The following CNTNAP2 variants were observed in gnomAD, a reference collection of about 807,000 sequenced individuals.
CNTNAP2 encodes contactin associated protein 2.
CNTNAP2 carries 98 observed loss-of-function variants against 155.2 expected under a neutral mutation model. The ratio of observed to expected loss-of-function variants is 0.63; its 90% CI spans 0.54 to 0.75. The LOEUF (loss-of-function observed/expected upper bound fraction) is 0.75, where lower values mean the gene tolerates loss of function less well. Ranked by LOEUF, CNTNAP2 falls within the 30% of genes least tolerant of loss-of-function variation. The pLI is 0.00. For synonymous variants in CNTNAP2, 651 were observed against 631.2 expected (o/e 1.03, Z -0.47); for missense variants, 1,727 against 1,688.1 (o/e 1.02, Z -0.40).
At chr7:147,022,114 T>C (rs893864707) in intron 3 of CNTNAP2, among the ~76,000 whole-genome samples, 2 of 152,292 alleles carry the variant, frequency 1.3e-5, no homozygotes, top group East Asian at 3.9e-4. Flanking sequence ...TATTTCTTTG[T>C]TGCAGATTGT....
At chr7:148,069,361 A>G (rs1292681670) in intron 15 of CNTNAP2, among the ~76,000 whole-genome samples, 1 of 152,186 alleles carries the variant, frequency 6.6e-6, no homozygotes, top group Non-Finnish European at 1.5e-5. Flanking sequence ...TTTAATTAAT[A>G]CTCTGAGTGG....
chr7:147,300,810 G>T (rs1312994205), intron 9 of CNTNAP2, among the ~76,000 whole-genome samples: 3 of 152,066 alleles, frequency 2.0e-5, no homozygotes, highest in Non-Finnish European at 4.4e-5. Context: ...TGCTGGCTGG[G>T]ATGCCTCAGT....
intron 21 of CNTNAP2, among the ~76,000 whole-genome samples, chr7:148,358,716 G>A (rs1354137806): frequency 1.3e-5 from 2 of 152,222 alleles, no homozygotes; most frequent in Non-Finnish European, 2.9e-5. Flanking sequence ...AAAGCAGTTA[G>A]GAGCAGAGTA....
chr7:147,791,054 A>T (rs1258051282), intron 13 of CNTNAP2, among the ~76,000 whole-genome samples: 1 of 152,204 alleles, frequency 6.6e-6, no homozygotes, highest in African/African-American at 2.4e-5. Context: ...TATTATTTTT[A>T]AAATGTCATC....
intron 8 of CNTNAP2, among the ~76,000 whole-genome samples, chr7:147,240,544 C>A (rs1803912404): frequency 1.3e-5 from 2 of 152,226 alleles, no homozygotes; most frequent in South Asian, 4.1e-4. Flanking sequence ...TAATTACTTA[C>A]TGTGATTTCA....
chr7:147,939,644 G>A (rs926329932), intron 14 of CNTNAP2, among the ~76,000 whole-genome samples: 2 of 151,986 alleles, frequency 1.3e-5, no homozygotes, highest in African/African-American at 4.8e-5. Context: ...GAATTTTATG[G>A]TCACAAGCCT....
intron 22 of CNTNAP2, among the ~76,000 whole-genome samples, chr7:148,406,694 C>A (rs1799710891): frequency 6.6e-6 from 1 of 152,166 alleles, no homozygotes; most frequent in African/African-American, 2.4e-5. Context: ...GTCAAAAGGT[C>A]TGGAAAAGAT....
chr7:147,772,014 A>C (rs1797477372), intron 13 of CNTNAP2, among the ~76,000 whole-genome samples: 1 of 152,170 alleles, frequency 6.6e-6, no homozygotes, highest in South Asian at 2.1e-4. Flanking sequence ...AAGACAAAAA[A>C]AATTTCAGTG....
At chr7:147,826,215 G>A (rs569912524) in intron 13 of CNTNAP2, among the ~76,000 whole-genome samples, 1 of 152,224 alleles carries the variant, frequency 6.6e-6, no homozygotes, top group Non-Finnish European at 1.5e-5. Context: ...AACAGTGATA[G>A]GGAAAAAGTA....
chr7:146,701,320 G>GC (rs1800874546), intron 1 of CNTNAP2, among the ~76,000 whole-genome samples: 1 of 152,108 alleles, frequency 6.6e-6, no homozygotes, highest in South Asian at 2.1e-4. Context: ...GAGTCTTAGA[G>GC]CACCTGGCCT....
At chr7:146,497,716 C>G (rs1797239765) in intron 1 of CNTNAP2, among the ~76,000 whole-genome samples, 1 of 151,154 alleles carries the variant, frequency 6.6e-6, no homozygotes, top group South Asian at 2.1e-4. Context: ...CAAGTTCTCC[C>G]TAAATGATTT....
At chr7:148,054,127 C>T (rs1802961740) in intron 15 of CNTNAP2, among the ~76,000 whole-genome samples, 1 of 152,064 alleles carries the variant, frequency 6.6e-6, no homozygotes, top group South Asian at 2.1e-4. Context: ...TACCCGCCAC[C>T]ACACCCGGCT....
intron 3 of CNTNAP2, among the ~76,000 whole-genome samples, chr7:146,847,683 G>A (rs963450912): frequency 1.3e-5 from 2 of 152,072 alleles, no homozygotes; most frequent in African/African-American, 4.8e-5. Flanking sequence ...ATTGGTGTGT[G>A]TACTGTATTA....
At chr7:147,097,589 T>C (rs1018172125) in intron 4 of CNTNAP2, 8 of 152,146 alleles carry the variant, frequency 5.3e-5, no homozygotes, top group African/African-American at 1.9e-4. Context: ...ACTAGAACAG[T>C]ATGAGGGAAA....
chr7:148,179,101 G>T (rs889677244), intron 18 of CNTNAP2, among the ~76,000 whole-genome samples: 2 of 152,202 alleles, frequency 1.3e-5, no homozygotes, highest in East Asian at 3.9e-4. Flanking sequence ...TATCGGACTG[G>T]TTTTGTCAAT....
At position 146,535,340 on chromosome 7, in the gene CNTNAP2, C is replaced by T. The variant is rs566789811; in HGVS notation, c.98-238931C>T. 7.1e-4 allele frequency among the ~76,000 whole-genome samples: 34 copies of T among 47,910 alleles called. 7 individuals are homozygous for T. Among genetic ancestry groups the T allele is most frequent in the African/African-American group, 5.6e-3 (25 of 4,462 alleles). The allele number at this position is 47,910 out of a possible 152,430, so 31.4% of individuals were successfully genotyped here. On this transcript the variant is annotated intron_variant, in intron 1 of 23. Coordinates refer to ENST00000361727, the MANE Select transcript of CNTNAP2 (RefSeq NM_014141.6). The stretch of plus-strand genomic sequence containing the variant: ...CATATATATTATATATTATATAATG[C>T]ATATTATATATGATATTATATAATG...
chr7:147,815,982 A>G lies in CNTNAP2; in HGVS notation c.2099-87583A>G, dbSNP rs560470688. On this transcript the variant is annotated intron_variant, in intron 13 of 23. Transcript: ENST00000361727. ...TTTCCTTGTGTTTACATATTCTCAG[A>G]CTCTGGCTGCTGTGTTAATAAGTGG... 4.6e-4 allele frequency among the ~76,000 whole-genome samples: 70 copies of G among 152,134 alleles called. 1 individual carries two copies. The highest frequency in any genetic ancestry group is 8.8e-4 in the Non-Finnish European group (60 of 68,010).
rs559405677 is a variant in CNTNAP2 at position 146,746,423 on chromosome 7, G to A, written c.98-27848G>A. Among the ~76,000 whole-genome samples, 143 of 152,128 alleles carry A rather than the reference G, an allele frequency of 9.4e-4. 3 individuals carry two copies. Among genetic ancestry groups the A allele is most frequent in the Middle Eastern group, 3.4e-3 (1 of 294 alleles). Reference sequence around the variant, plus strand: ...CATTTTTTGTGGCAAACAAGATCAGGAGAAAATTATAAATATTTGAGTTAA... The same window carrying A: ...CATTTTTTGTGGCAAACAAGATCAGAAGAAAATTATAAATATTTGAGTTAA... On this transcript the variant is annotated intron_variant, in intron 1 of 23. Transcript: ENST00000361727.
intron 1 of CNTNAP2, among the ~76,000 whole-genome samples, chr7:146,421,160 T>G (rs974209659): frequency 1.3e-5 from 2 of 152,038 alleles, no homozygotes; most frequent in African/African-American, 4.8e-5. Context: ...CTGTTACATC[T>G]CCTCTTAAAA....
Sources: allele counts gnomAD v4.1 joint callset (sites outside exome capture counted in the v4.1 genomes callset), GRCh38; gene constraint gnomAD v4.1.1; transcripts MANE v1.5; gene names NCBI Gene and HGNC (gene_info 2026-07-23, HGNC 2026-07-21).